SLC25A15: variants seen among roughly 807,000 people sequenced by gnomAD.
The protein encoded by SLC25A15 is solute carrier family 25 member 15.
In SLC25A15, 24 loss-of-function variants were observed where a neutral mutation model predicts 32.3. That is an observed-to-expected ratio of 0.74 (90% CI 0.54 to 1.04). SLC25A15 has a LOEUF of 1.04. Ranked by LOEUF, SLC25A15 falls within the 50% of genes least tolerant of loss-of-function variation. SLC25A15 has a pLI of 0.00. For missense variants in SLC25A15, 317 were observed against 374.5 expected (o/e 0.85, Z 1.27); for synonymous variants, 132 against 142.1 (o/e 0.93, Z 0.51).
chr13:40,806,445 A>C (rs1882176784), intron 4 of SLC25A15, among the ~76,000 whole-genome samples: 2 of 152,222 alleles, frequency 1.3e-5, no homozygotes, highest in Non-Finnish European at 2.9e-5. Context: ...CACACAAGGC[A>C]TGGTATGGTA....
chr13:40,791,038 A>G (rs1203110501), intron 1 of SLC25A15, among the ~76,000 whole-genome samples: 3 of 151,976 alleles, frequency 2.0e-5, no homozygotes, highest in Non-Finnish European at 4.4e-5. Context: ...TTTATCTAGG[A>G]GGCCACATTG....
At chr13:40,796,234 C>T (rs961164551) in intron 2 of SLC25A15, among the ~76,000 whole-genome samples, 1 of 152,140 alleles carries the variant, frequency 6.6e-6, no homozygotes, top group East Asian at 1.9e-4. Flanking sequence ...CTTTAAACAA[C>T]GTTTTCCCCA....
At chr13:40,802,593 T>TG (rs1468627689) in intron 3 of SLC25A15, among the ~76,000 whole-genome samples, 298 of 151,650 alleles carry the variant, frequency 2.0e-3, no homozygotes, top group African/African-American at 7.0e-3. Flanking sequence ...TTTTTTTTTT[T>TG]GAGACGGAGT....
Position 40,810,512 on chromosome 13 carries a change from T to C in SLC25A15, c.*845T>C, listed in dbSNP as rs1328559617. Among the ~76,000 whole-genome samples, 1 of 152,168 alleles carries C rather than the reference T, an allele frequency of 6.6e-6. No individual in the cohort carries two copies. The highest frequency in any genetic ancestry group is 2.4e-5 in the African/African-American group (1 of 41,446). ...TTCATGGGGTGCTTGAAAACTAAAA[T>C]ATCCTTCTAGATTTGTAAGACAGTA... On this transcript the variant is annotated 3_prime_UTR_variant, in exon 7 of 7. Coordinates refer to ENST00000338625, the MANE Select transcript of SLC25A15 (RefSeq NM_014252.4).
chr13:40,799,608 C>T (rs143856139), intron 3 of SLC25A15, among the ~76,000 whole-genome samples: 5 of 152,296 alleles, frequency 3.3e-5, no homozygotes, highest in Admixed American at 2.0e-4. Flanking sequence ...TGAAGTTATA[C>T]ATTGTCATCA....
intron 3 of SLC25A15, among the ~76,000 whole-genome samples, chr13:40,804,202 C>T (rs1366733862): frequency 6.6e-6 from 1 of 152,152 alleles, no homozygotes; most frequent in Non-Finnish European, 1.5e-5. Context: ...TGAGCGAGCT[C>T]TCTGGCCTCT....
At chr13:40,791,890 A>T (rs1881518596) in intron 1 of SLC25A15, among the ~76,000 whole-genome samples, 2 of 152,284 alleles carry the variant, frequency 1.3e-5, no homozygotes, top group South Asian at 4.1e-4. Flanking sequence ...AGGTTTAAAC[A>T]ACTTCTCCAC....
Position 40,807,342 on chromosome 13 carries a change from G to GA in SLC25A15, c.501_502insA (p.Gly168ArgfsTer25). 6.2e-7 allele frequency: 1 copy of GA among 1,614,026 alleles called. No individual in the cohort carries two copies. Among genetic ancestry groups the GA allele is most frequent in the Non-Finnish European group, 8.5e-7 (1 of 1,179,972 alleles). On this transcript the variant is annotated frameshift_variant, in exon 5 of 7. Transcript: ENST00000338625. LOFTEE classifies it high-confidence loss of function. Reference sequence around the variant, plus strand: ...GTATTCTTAGGAAAGATGGCCCCTTGGGGTTCTACCATGGACTCTCAAGCA... The same window carrying GA: ...GTATTCTTAGGAAAGATGGCCCCTTGAGGGTTCTACCATGGACTCTCAAGCA...
intron 2 of SLC25A15, 121 bp downstream of exon 2, chr13:40,793,402 G>C: frequency 1.1e-6 from 1 of 873,764 alleles, no homozygotes; most frequent in Non-Finnish European, 1.9e-6. Context: ...GATACATTTA[G>C]ATACATAAAT....
At chr13:40,799,336 T>G (rs750011178) in intron 3 of SLC25A15, 21 bp downstream of exon 3, 2 of 1,613,876 alleles carry the variant, frequency 1.2e-6, no homozygotes, top group South Asian at 2.2e-5. Flanking sequence ...GACACACACT[T>G]TTTTTATTTG....
At chr13:40,800,643 G>T (rs1208073541) in intron 3 of SLC25A15, among the ~76,000 whole-genome samples, 1 of 152,176 alleles carries the variant, frequency 6.6e-6, no homozygotes, top group Non-Finnish European at 1.5e-5. Flanking sequence ...CCAGCCACAG[G>T]ATAGACAGTG....
rs758007220 is a variant in SLC25A15 at position 40,805,225 on chromosome 13, A to G, written c.422A>G (p.Glu141Gly). 3 of 1,614,204 alleles carry G rather than the reference A, an allele frequency of 1.9e-6. No individual in the cohort carries two copies. Among genetic ancestry groups the G allele is most frequent in the Admixed American group, 3.3e-5 (2 of 60,020 alleles). ...KCRLQTMYEMETSGKIAKSQN... is the reference protein window; with the variant it reads ...KCRLQTMYEMGTSGKIAKSQN... ...CGGCTGCAGACCATGTATGAGATGGAGACATCAGGGAAGATAGCCAAGAGC... is the reference window on the plus strand; with the variant it reads ...CGGCTGCAGACCATGTATGAGATGGGGACATCAGGGAAGATAGCCAAGAGC... Residue 141 changes from glutamate to glycine, a missense_variant, in exon 4 of 7, where the codon GAG becomes GGG. By Grantham distance (98) the Glu-to-Gly change is moderately conservative. Coordinates refer to ENST00000338625, the MANE Select transcript of SLC25A15 (RefSeq NM_014252.4).
rs370933385 is a variant in SLC25A15, at chr13:40,810,709, A to G, written c.*1042A>G. On this transcript the variant is annotated 3_prime_UTR_variant, in exon 7 of 7. Coordinates refer to ENST00000338625, the MANE Select transcript of SLC25A15 (RefSeq NM_014252.4). Reference sequence around the variant, plus strand: ...GCCCAGAGGGTCAGGCCTTTGGGAAATAGCATGGCCTTTACCAGCTTCCCT... The same window carrying G: ...GCCCAGAGGGTCAGGCCTTTGGGAAGTAGCATGGCCTTTACCAGCTTCCCT... 7.3e-5 allele frequency: 39 copies of G among 532,962 alleles called. 1 individual carries two copies. Among genetic ancestry groups the G allele is most frequent in the East Asian group, 5.4e-4 (10 of 18,364 alleles). The allele number at this position is 532,962 out of a possible 1,614,324, so 33.0% of individuals were successfully genotyped here.
intron 1 of SLC25A15, among the ~76,000 whole-genome samples, 193 bp downstream of exon 1, chr13:40,789,856 G>A (rs773001516): frequency 3.0e-4 from 46 of 152,156 alleles, no homozygotes; most frequent in Non-Finnish European, 5.6e-4. Context: ...CCTTCCTGCA[G>A]TGCCCACCTG....
At chr13:40,807,852 A>G (rs867813774) in intron 5 of SLC25A15, among the ~76,000 whole-genome samples, 2 of 152,236 alleles carry the variant, frequency 1.3e-5, no homozygotes, top group South Asian at 4.1e-4. Flanking sequence ...AGTGAAAACC[A>G]TAGTTCTTTG....
intron 3 of SLC25A15, among the ~76,000 whole-genome samples, chr13:40,803,616 C>T (rs1333776333): frequency 6.6e-6 from 1 of 152,180 alleles, no homozygotes; most frequent in African/African-American, 2.4e-5. Flanking sequence ...ATCCCTCTGC[C>T]TAGTTTAGAT....
At chr13:40,804,793 G>A (rs1017883704) in intron 3 of SLC25A15, among the ~76,000 whole-genome samples, 4 of 150,738 alleles carry the variant, frequency 2.7e-5, no homozygotes, top group East Asian at 1.9e-4. Flanking sequence ...TTCGTGATCC[G>A]CCCGCCTCGG....
At chr13:40,798,668 A>T in intron 2 of SLC25A15, 1 of 633,138 alleles carries the variant, frequency 1.6e-6, no homozygotes, top group Non-Finnish European at 2.0e-6. Context: ...TTTTTATTTA[A>T]TCCTCACGCT....
At position 40,810,011 on chromosome 13, in the gene SLC25A15, T is replaced by TCTG; in HGVS notation, c.*344_*345insCTG. The TCTG allele has an allele frequency of 5.7e-6, 2 of 353,854 alleles. No individual in the cohort carries two copies. Among genetic ancestry groups the TCTG allele is most frequent in the South Asian group, 2.5e-5 (1 of 40,400 alleles). The allele number at this position is 353,854 out of a possible 1,614,324, so 21.9% of individuals were successfully genotyped here. A position where few individuals can be genotyped will look rare whatever the true frequency, so the allele number is the denominator to read the frequency against. On this transcript the variant is annotated 3_prime_UTR_variant, in exon 7 of 7. Coordinates refer to ENST00000338625, the MANE Select transcript of SLC25A15 (RefSeq NM_014252.4). ...TACATGCAATTTGGACAGTTATGTG[T>TCTG]TGAGGGAAATACAGTTTGGTACCTT...
Sources: allele counts gnomAD v4.1 joint callset (sites outside exome capture counted in the v4.1 genomes callset), GRCh38; gene constraint gnomAD v4.1.1; transcripts MANE v1.5; gene names NCBI Gene and HGNC (gene_info 2026-07-23, HGNC 2026-07-21).